The following VWA7 variants were observed in gnomAD, a reference collection of about 807,000 sequenced individuals.
VWA7 encodes the protein von Willebrand factor A domain-containing protein 7.
Under a neutral mutation model 83.1 loss-of-function variants are expected in VWA7, and 66 were observed. That is an observed-to-expected ratio of 0.79 (90% CI 0.65 to 0.98). VWA7 has a LOEUF of 0.98. Among genes scored for constraint, VWA7 ranks in the 50% least tolerant of loss-of-function variants. The probability of loss-of-function intolerance (pLI) is 0.00; values close to 1 mark genes in which losing one functional copy is unlikely to be tolerated. For synonymous variants in VWA7, 424 were observed against 488.5 expected, an observed-to-expected ratio of 0.87 and a Z score of 1.74; for missense variants, 1,080 against 1,160.2, an observed-to-expected ratio of 0.93 and a Z score of 1.00.
chr6:31,774,744 T>C, intron 4 of VWA7, 118 bp from the exon 5 acceptor site: 3 of 773,516 alleles, frequency 3.9e-6, no homozygotes, highest in Non-Finnish European at 4.0e-6. Context: ...ACCCAGAAGT[T>C]CCCTAGCAAA....
chr6:31,765,777 G>A lies in VWA7; in HGVS notation c.2500-7C>T. 1.9e-6 allele frequency: 3 copies of A among 1,584,218 alleles called. No homozygotes were observed. The highest frequency in any genetic ancestry group is 1.7e-6 in the Non-Finnish European group (2 of 1,163,824). On this transcript the variant is annotated splice_polypyrimidine_tract_variant and splice_region_variant and intron_variant, in intron 16 of 16. Coordinates refer to ENST00000375688, the MANE Select transcript of VWA7 (RefSeq NM_025258.3). ...TAGGGGTGGTGTGCCGGTCCTGTGG[G>A]GAAAAGGAAGAGAATGACAGGGTGT...
Position 31,773,470 on chromosome 6 carries a change from G to A in VWA7, c.722-33C>T, listed in dbSNP as rs55944010. On this transcript the variant is annotated intron_variant, in intron 5 of 16. Transcript: ENST00000375688. This position sits in a 1 kb window ranked among gnomAD's most constrained non-coding sequence, Gnocchi z 5.3. Reference sequence around the variant, plus strand: ...GGGGAAAGGGATCTGGAGAGTGGAGGTCAAAAACCCACTGCCTCCTAAGAA... The same window carrying A: ...GGGGAAAGGGATCTGGAGAGTGGAGATCAAAAACCCACTGCCTCCTAAGAA... The A allele has an allele frequency of 1.3e-6, 2 of 1,515,960 alleles. No individual in the cohort carries two copies. Among genetic ancestry groups the A allele is most frequent in the African/African-American group, 2.8e-5 (2 of 71,586 alleles). The allele number at this position is 1,515,960 out of a possible 1,614,324, so 93.9% of individuals were successfully genotyped here.
chr6:31,776,278 G>T lies in VWA7; in HGVS notation c.235-36C>A. ...TAGCGGGCGACGGGGCTCCAGGGAG[G>T]CCCTTTGGATTGACTGTTGCCCACC... On this transcript the variant is annotated intron_variant, in intron 2 of 16. Coordinates refer to ENST00000375688, the MANE Select transcript of VWA7 (RefSeq NM_025258.3). This position sits in a 1 kb window ranked among gnomAD's most constrained non-coding sequence, Gnocchi z 6.2. The T allele has an allele frequency of 6.3e-7, 1 of 1,594,110 alleles. No homozygotes were observed. The highest frequency in any genetic ancestry group is 8.6e-7 in the Non-Finnish European group (1 of 1,169,394).
chr6:31,776,787 A>G lies in VWA7; in HGVS notation c.-8T>C, dbSNP rs1812725032. ...GACCTCCGTGGGGAGCATGGCTGAG[A>G]CATGGACCTGGGAGACAGAAGGCTC... is the stretch of plus-strand genomic sequence containing the variant. On this transcript the variant is annotated 5_prime_UTR_variant, in exon 2 of 17. Coordinates refer to ENST00000375688, the MANE Select transcript of VWA7 (RefSeq NM_025258.3). This position sits in a 1 kb window ranked among gnomAD's most constrained non-coding sequence, Gnocchi z 6.2. 7 of 1,391,050 alleles carry G rather than the reference A, an allele frequency of 5.0e-6. No homozygotes were observed. Among genetic ancestry groups the G allele is most frequent in the Non-Finnish European group, 6.6e-6 (7 of 1,061,852 alleles). 86.2% of individuals were successfully genotyped at this position (1,391,050 alleles called of 1,614,324 possible).
In VWA7 at chr6:31,767,376, C is replaced by A. The variant is rs746852554; in HGVS notation, c.1775G>T (p.Gly592Val). The A allele has an allele frequency of 1.9e-6, 3 of 1,613,178 alleles. No individual in the cohort carries two copies. Among genetic ancestry groups the A allele is most frequent in the African/African-American group, 1.3e-5 (1 of 74,848 alleles). ...TCCCTCCTTACCTTGCACTCTCACC[C>A]CAGGGGTGTCCTCAGCTGTGACCTG... ...EIQVTAEDTP[G>V]VRVQAQTSLD... Residue 592 changes from glycine to valine, a missense_variant, in exon 12 of 17, where the codon GGG (glycine) becomes GTG (valine). Transcript: ENST00000375688.
At position 31,775,943 on chromosome 6, in the gene VWA7, T is replaced by C. The variant is rs1699449261; in HGVS notation, c.513+21A>G. ...ACGGAAGTGAAGACCCCTCTGACCA[T>C]CAACCCAACCCTGTTCTCACCTGCA... On this transcript the variant is annotated intron_variant, in intron 3 of 16. Coordinates refer to ENST00000375688, the MANE Select transcript of VWA7 (RefSeq NM_025258.3). This position sits in a 1 kb window ranked among gnomAD's most constrained non-coding sequence, Gnocchi z 5.9. 7 of 1,590,888 alleles carry C rather than the reference T, an allele frequency of 4.4e-6. No individual in the cohort carries two copies. Among genetic ancestry groups the C allele is most frequent in the Non-Finnish European group, 6.0e-6 (7 of 1,167,226 alleles).
rs1480223376 is a variant in VWA7, at chr6:31,767,675, ATCT to A, written c.1580_1582del (p.Lys527del). 1.2e-6 allele frequency: 2 copies of A among 1,613,678 alleles called. No individual in the cohort carries two copies. Among genetic ancestry groups the A allele is most frequent in the South Asian group, 2.2e-5 (2 of 91,078 alleles). ...GATGTCTCCGTGGATCCGGACTGTG[ATCT>A]TCTGGAGCAGCCCATCCACGCTGAA... On this transcript the variant is annotated inframe_deletion, in exon 11 of 17. Transcript: ENST00000375688.
In VWA7 at chr6:31,766,624, C is replaced by A. The variant is rs369262187; in HGVS notation, c.2023G>T (p.Val675Leu). 6 of 1,613,036 alleles carry A rather than the reference C, an allele frequency of 3.7e-6. No individual in the cohort carries two copies. The highest frequency in any genetic ancestry group is 4.2e-6 in the Non-Finnish European group (5 of 1,180,020). ...AELGQVPLEP[V>L]GPPERGLLAA... ...AGGAGACCTCGCTCCGGAGGTCCCA[C>A]GGGCTCCAAGGGCACCTGGCCTAGT... is the stretch of plus-strand genomic sequence containing the variant. Residue 675 changes from valine to leucine, a missense_variant, in exon 14 of 17, where the codon GTG (valine) becomes TTG (leucine). Physicochemically the swap from Val to Leu is conservative, Grantham distance 32 (BLOSUM62 1). Transcript: ENST00000375688. This position sits in a 1 kb window ranked among gnomAD's most constrained non-coding sequence, Gnocchi z 4.9.
At position 31,773,563 on chromosome 6, in the gene VWA7, C is replaced by T. The variant is rs144639709; in HGVS notation, c.722-126G>A. The T allele has an allele frequency of 9.3e-5, 95 of 1,016,908 alleles. No homozygotes were observed. The East Asian group carries it at 2.3e-3, about 25-fold the overall frequency. The allele number at this position is 1,016,908 out of a possible 1,614,324, so 63.0% of individuals were successfully genotyped here. The stretch of plus-strand genomic sequence containing the variant: ...GCAAGGGTTCAGCAAGAAATGATGA[C>T]GGGGTTGGCGCGGTGGCTCACGCCT... On this transcript the variant is annotated intron_variant, in intron 5 of 16. Coordinates refer to ENST00000375688, the MANE Select transcript of VWA7 (RefSeq NM_025258.3). The surrounding 1 kb of genome is among the most constrained non-coding windows in gnomAD (Gnocchi z 5.3).
At chr6:31,772,789 G>A (rs1812323023) in intron 7 of VWA7, among the ~76,000 whole-genome samples, 165 bp downstream of exon 7, 1 of 150,944 alleles carries the variant, frequency 6.6e-6, no homozygotes, top group Admixed American at 6.6e-5. Context: ...AGTAGAGACG[G>A]GGTTTCTCCA....
chr6:31,776,643 TGGTG>T lies in VWA7; in HGVS notation c.133_136del (p.His45LysfsTer3). On this transcript the variant is annotated frameshift_variant, in exon 2 of 17. Transcript: ENST00000375688. LOFTEE classifies it high-confidence loss of function. The surrounding 1 kb of genome is among the most constrained non-coding windows in gnomAD (Gnocchi z 6.2). ...GAGCGCTGCCTCCTCAGTTAGGTCT[TGGTG>T]GGTGATGGAGCCAGGGGCAGCCAGC... is the stretch of plus-strand genomic sequence containing the variant. The T allele has an allele frequency of 6.5e-7, 1 of 1,546,420 alleles. No homozygotes were observed. The highest frequency in any genetic ancestry group is 8.7e-7 in the Non-Finnish European group (1 of 1,144,784).
At position 31,769,107 on chromosome 6, in the gene VWA7, C is replaced by T; in HGVS notation, c.1414G>A (p.Ala472Thr). 6.2e-7 allele frequency: 1 copy of T among 1,613,102 alleles called. No homozygotes were observed. Among genetic ancestry groups the T allele is most frequent in the Non-Finnish European group, 8.5e-7 (1 of 1,180,038 alleles). The change falls in exon 10 of 17, where the codon GCC becomes ACC. Residue 472 changes from alanine to threonine, a missense_variant. Coordinates refer to ENST00000375688, the MANE Select transcript of VWA7 (RefSeq NM_025258.3). This position sits in a 1 kb window ranked among gnomAD's most constrained non-coding sequence, Gnocchi z 4.5. The stretch of plus-strand genomic sequence containing the variant: ...ATCACCTCTCCTCCTGAGGCCAGGG[C>T]CACTGCTTTGTATGGCTCAAAACGC... ...PLRFEPYKAV[A>T]LASGGEVIFT...
chr6:31,772,007 A>G (rs1475552834), intron 7 of VWA7, among the ~76,000 whole-genome samples: 2 of 151,558 alleles, frequency 1.3e-5, no homozygotes, highest in Admixed American at 6.6e-5. Flanking sequence ...AAAAAAAAAA[A>G]AAAAAAAAAG....
chr6:31,776,798 G>A lies in VWA7; in HGVS notation c.-15-4C>T. ...GGAGCATGGCTGAGACATGGACCTG[G>A]GAGACAGAAGGCTCTCAAGGGAGGA... On this transcript the variant is annotated splice_region_variant and splice_polypyrimidine_tract_variant and intron_variant, in intron 1 of 16. Transcript: ENST00000375688. The surrounding 1 kb of genome is among the most constrained non-coding windows in gnomAD (Gnocchi z 6.2). 7.4e-7 allele frequency: 1 copy of A among 1,350,466 alleles called. No homozygotes were observed. Among genetic ancestry groups the A allele is most frequent in the Non-Finnish European group, 9.7e-7 (1 of 1,032,118 alleles). The allele number at this position is 1,350,466 out of a possible 1,614,324, so 83.7% of individuals were successfully genotyped here.
At chr6:31,774,435 G>C (rs1812494365) in intron 5 of VWA7, 81 bp downstream of exon 5, 3 of 1,330,592 alleles carry the variant, frequency 2.3e-6, no homozygotes, top group Admixed American at 3.8e-5. Context: ...CCATAGCAAA[G>C]GCATACGGGC....
chr6:31,776,776 G>A lies in VWA7; in HGVS notation c.4C>T (p.Leu2Phe). 2 of 1,419,520 alleles carry A rather than the reference G, an allele frequency of 1.4e-6. No individual in the cohort carries two copies. Among genetic ancestry groups the A allele is most frequent in the Non-Finnish European group, 1.9e-6 (2 of 1,079,402 alleles). The allele number at this position is 1,419,520 out of a possible 1,614,324, so 87.9% of individuals were successfully genotyped here. Reference sequence around the variant, plus strand: ...TGGGATTGGGGGACCTCCGTGGGGAGCATGGCTGAGACATGGACCTGGGAG... The same window carrying A: ...TGGGATTGGGGGACCTCCGTGGGGAACATGGCTGAGACATGGACCTGGGAG... M[L>F]PTEVPQSHPG... The change falls in exon 2 of 17, where the codon CTC becomes TTC. Residue 2 changes from leucine (L) to phenylalanine (F), a missense_variant. Physicochemically the swap from Leu to Phe is conservative, Grantham distance 22. Transcript: ENST00000375688. This position sits in a 1 kb window ranked among gnomAD's most constrained non-coding sequence, Gnocchi z 6.2.
chr6:31,768,139 C>CAAAAAAAA (rs9279412), intron 10 of VWA7, among the ~76,000 whole-genome samples: 8 of 77,096 alleles, frequency 1.0e-4, no homozygotes, highest in Non-Finnish European at 1.4e-4. Flanking sequence ...GACTCTGTCT[C>CAAAAAAAA]AAAAAAAAAA....
In VWA7 at chr6:31,766,529, G is replaced by A. The variant is rs1453787533; in HGVS notation, c.2118C>T (p.Asp706=). The A allele has an allele frequency of 6.2e-6, 10 of 1,611,770 alleles. No individual in the cohort carries two copies. Among genetic ancestry groups the A allele is most frequent in the South Asian group, 3.3e-5 (3 of 91,004 alleles). ...RPFSLELIGQ[D]AAGRRLHRAA... Reference sequence around the variant, plus strand: ...CCCTGTGCAGGCGCCGCCCCGCTGCGTCCTGGCCAATCAGCTCCAGGGAGA... The same window carrying A: ...CCCTGTGCAGGCGCCGCCCCGCTGCATCCTGGCCAATCAGCTCCAGGGAGA... The change falls in exon 14 of 17, where the codon GAC becomes GAT. Residue 706 remains aspartate (D), a synonymous_variant. Transcript: ENST00000375688. This position sits in a 1 kb window ranked among gnomAD's most constrained non-coding sequence, Gnocchi z 4.9.
intron 10 of VWA7, 66 bp downstream of exon 10, chr6:31,768,952 T>C (rs1001199977): frequency 1.4e-6 from 2 of 1,478,276 alleles, no homozygotes; most frequent in East Asian, 2.4e-5. Context: ...CCCTTTCTCC[T>C]ATAAGAAGAG....
Sources: gnomAD v4.1 joint callset for allele counts (sites outside exome capture counted in the v4.1 genomes callset) on GRCh38, gnomAD v4.1.1 for gene constraint, Gnocchi (gnomAD v3.1) non-coding constraint, MANE v1.5 for transcripts, NCBI Gene and HGNC (gene_info 2026-07-23, HGNC 2026-07-21) for gene names.